The following KIAA1217 variants were observed in gnomAD, a reference collection of about 807,000 sequenced individuals.
The protein encoded by KIAA1217 is sickle tail protein homolog.
Under a neutral mutation model 163.9 loss-of-function variants are expected in KIAA1217, and 88 were observed. That is an observed-to-expected ratio of 0.54 (90% CI 0.45 to 0.64). The LOEUF is 0.64. Among genes scored for constraint, KIAA1217 ranks in the 30% least tolerant of loss-of-function variants. The pLI, the probability that KIAA1217 is intolerant of heterozygous loss-of-function variation, is 0.00. For missense variants in KIAA1217, 2,372 were observed against 2,475.0 expected, an observed-to-expected ratio of 0.96 and a Z score of 0.88; for synonymous variants, 903 against 923.1, an observed-to-expected ratio of 0.98 and a Z score of 0.39.
intron 1 of KIAA1217, among the ~76,000 whole-genome samples, chr10:23,946,905 G>A (rs201298400): frequency 7.2e-5 from 11 of 152,082 alleles, no homozygotes; most frequent in Non-Finnish European, 1.2e-4. Flanking sequence ...CCCACGTTTC[G>A]TGGGAGGGAC....
At chr10:23,919,343 C>T (rs1404451050) in intron 1 of KIAA1217, among the ~76,000 whole-genome samples, 9 of 151,912 alleles carry the variant, frequency 5.9e-5, no homozygotes, top group African/African-American at 1.9e-4. Flanking sequence ...CAGTGGGTCA[C>T]CCCTGTAATC....
Position 24,021,125 on chromosome 10 carries a change from C to T in KIAA1217, c.-171+13751C>T, listed in dbSNP as rs551050992. On this transcript the variant is annotated intron_variant, in intron 2 of 18. Coordinates refer to the KIAA1217 transcript ENST00000376462. The stretch of plus-strand genomic sequence containing the variant: ...AATTAAAGGAACATATGACTAGTAA[C>T]AGCACAAGAGATACAAAATCTCAAT... Among the ~76,000 whole-genome samples, 126 of 151,940 alleles carry T rather than the reference C, an allele frequency of 8.3e-4. 1 individual carries two copies. Among genetic ancestry groups the T allele is most frequent in the Middle Eastern group, 3.4e-3 (1 of 294 alleles).
At chr10:24,163,220 T>C (rs2065197113) in intron 2 of KIAA1217, among the ~76,000 whole-genome samples, 1 of 152,218 alleles carries the variant, frequency 6.6e-6, no homozygotes, top group Admixed American at 6.5e-5. Context: ...TGCAATGCAG[T>C]GGCAAGACTA....
intron 1 of KIAA1217, among the ~76,000 whole-genome samples, chr10:23,957,871 C>T (rs1049563303): frequency 2.6e-5 from 4 of 152,170 alleles, no homozygotes; most frequent in Non-Finnish European, 5.9e-5. Flanking sequence ...AATTAATTTG[C>T]AACCCCCACA....
At chr10:24,257,163 C>G (rs934674310) in intron 2 of KIAA1217, among the ~76,000 whole-genome samples, 2 of 152,206 alleles carry the variant, frequency 1.3e-5, no homozygotes, top group African/African-American at 4.8e-5. Flanking sequence ...GACTTCAGTT[C>G]TGCCCCTCGT....
chr10:24,112,572 C>T (rs551930450), intron 2 of KIAA1217, among the ~76,000 whole-genome samples: 1 of 151,996 alleles, frequency 6.6e-6, no homozygotes, highest in Admixed American at 6.6e-5. Context: ...ATGACTAGTG[C>T]TCTTTTTTTT....
chr10:24,180,280 CTTTTTTT>C (rs34268461), intron 2 of KIAA1217, among the ~76,000 whole-genome samples: 1 of 83,180 alleles, frequency 1.2e-5, no homozygotes, highest in African/African-American at 4.5e-5. Flanking sequence ...CCTCAACCTT[CTTTTTTT>C]TTTTTTTTTT....
chr10:24,026,220 C>G (rs1232093504), intron 2 of KIAA1217, among the ~76,000 whole-genome samples: 2 of 151,748 alleles, frequency 1.3e-5, no homozygotes, highest in South Asian at 4.1e-4. Context: ...AACTTTTAAT[C>G]TGTAGTTTTA....
Position 23,776,531 on chromosome 10 carries a change from C to A in KIAA1217, c.-321+81297C>A, listed in dbSNP as rs149344460. 5.0e-3 allele frequency among the ~76,000 whole-genome samples: 753 copies of A among 151,144 alleles called. 3 individuals carry two copies. Among genetic ancestry groups the A allele is most frequent in the Non-Finnish European group, 7.8e-3 (530 of 67,802 alleles). On this transcript the variant is annotated intron_variant, in intron 1 of 18. Coordinates refer to the KIAA1217 transcript ENST00000376462. ...GAGCATATTTGGCTATAGATATTAT[C>A]TAAGGCTATAATCTCAATAAAATAA...
intron 8 of KIAA1217, among the ~76,000 whole-genome samples, chr10:24,496,337 A>G (rs2066775534): frequency 6.6e-6 from 1 of 152,250 alleles, no homozygotes; most frequent in Non-Finnish European, 1.5e-5. Context: ...GGAAATTGCT[A>G]AACTTGTCTT....
intron 1 of KIAA1217, among the ~76,000 whole-genome samples, chr10:23,800,566 A>G (rs1248687064): frequency 6.6e-6 from 1 of 152,134 alleles, no homozygotes; most frequent in Non-Finnish European, 1.5e-5. Context: ...AGGGGCCCTC[A>G]TAAAAGGACA....
intron 1 of KIAA1217, among the ~76,000 whole-genome samples, chr10:23,786,220 G>A (rs1237710901): frequency 1.3e-5 from 2 of 152,038 alleles, no homozygotes. Flanking sequence ...GTCTAGGAAG[G>A]GATAAATAAA....
At chr10:23,708,593 G>A (rs1046125839) in intron 1 of KIAA1217, among the ~76,000 whole-genome samples, 1 of 152,128 alleles carries the variant, frequency 6.6e-6, no homozygotes, top group Non-Finnish European at 1.5e-5. Context: ...AGTAGAGGAG[G>A]CCCAATATGT....
chr10:24,447,025 C>A (rs945575274), intron 5 of KIAA1217, among the ~76,000 whole-genome samples: 3 of 152,048 alleles, frequency 2.0e-5, no homozygotes, highest in African/African-American at 7.2e-5. Context: ...AAGACCTAAC[C>A]CAGAAGCCAC....
chr10:24,294,133 A>G (rs7902131), intron 2 of KIAA1217, among the ~76,000 whole-genome samples: 58,742 of 141,486 alleles, frequency 0.42, 11,786 homozygotes, highest in Admixed American at 0.54. Flanking sequence ...GCTTGCAGTG[A>G]GCCGAGATAG....
intron 2 of KIAA1217, among the ~76,000 whole-genome samples, chr10:24,079,549 C>A (rs886478609): frequency 6.6e-6 from 1 of 152,160 alleles, no homozygotes; most frequent in Non-Finnish European, 1.5e-5. Context: ...AATTTAAATA[C>A]AAGTAAGGTA....
intron 1 of KIAA1217, among the ~76,000 whole-genome samples, chr10:23,864,289 G>T (rs1055073453): frequency 1.4e-4 from 21 of 151,770 alleles, no homozygotes; most frequent in Admixed American, 1.1e-3. Context: ...TTTCTTACTT[G>T]TATATCTTAT....
At chr10:23,824,279 A>C (rs2098893663) in intron 1 of KIAA1217, among the ~76,000 whole-genome samples, 1 of 151,866 alleles carries the variant, frequency 6.6e-6, no homozygotes, top group South Asian at 2.1e-4. Flanking sequence ...CTGTCTCAAA[A>C]AATATATAAA....
chr10:24,271,908 A>G (rs772702837), intron 2 of KIAA1217, among the ~76,000 whole-genome samples: 5 of 152,152 alleles, frequency 3.3e-5, no homozygotes, highest in Admixed American at 6.6e-5. Flanking sequence ...CTAGCCTTAT[A>G]CAAGATAAGA....
Sources: gnomAD v4.1 joint callset for allele counts (sites outside exome capture counted in the v4.1 genomes callset) on GRCh38, gnomAD v4.1.1 for gene constraint, MANE v1.5 for transcripts, NCBI Gene and HGNC (gene_info 2026-07-23, HGNC 2026-07-21) for gene names.